The following ANKRD33B variants were observed in gnomAD, a reference collection of about 807,000 sequenced individuals.
ANKRD33B encodes ankyrin repeat domain 33B, also known as ankyrin repeat domain-containing protein 33B.
Under a neutral mutation model 21.5 loss-of-function variants are expected in ANKRD33B, and 6 were observed. That is an observed-to-expected ratio of 0.28 (90% confidence interval 0.15 to 0.55). The LOEUF is 0.55. Ranked by LOEUF, ANKRD33B falls within the 20% of genes least tolerant of loss-of-function variation. ANKRD33B has a pLI of 0.94. For missense variants in ANKRD33B, 698 were observed against 747.2 expected (o/e 0.93, Z 0.77); for synonymous variants, 347 against 342.4 (o/e 1.01, Z -0.15).
At chr5:10,629,403 G>A (rs1419772083) in intron 2 of ANKRD33B, among the ~76,000 whole-genome samples, 4 of 152,192 alleles carry the variant, frequency 2.6e-5, no homozygotes, top group Non-Finnish European at 5.9e-5. Flanking sequence ...GATTGCTTGG[G>A]TGAGGGAGGA....
chr5:10,634,646 G>T (rs1379606121), intron 2 of ANKRD33B, among the ~76,000 whole-genome samples: 5 of 151,428 alleles, frequency 3.3e-5, no homozygotes, highest in Non-Finnish European at 5.9e-5. Context: ...TTTTAGTAGA[G>T]ACAGGCACTA....
chr5:10,649,924 C>G lies in ANKRD33B; in HGVS notation c.1296C>G (p.Pro432=), dbSNP rs999743370. The change falls in exon 4 of 4, where the codon CCC becomes CCG. Residue 432 remains proline (P), a synonymous_variant. Transcript: ENST00000296657. ...CCCGGGTCCGAGTCAGCAAGGCGCC[C>G]GCGCCCACCTTCCAGCCCGAGCGGC... is the stretch of plus-strand genomic sequence containing the variant. The part of the protein sequence containing the change: ...VVPRVRVSKA[P]APTFQPERPA... 8 of 1,524,266 alleles carry G rather than the reference C, an allele frequency of 5.2e-6. No individual in the cohort carries two copies. Among genetic ancestry groups the G allele is most frequent in the Admixed American group, 4.0e-5 (2 of 50,166 alleles). The allele number at this position is 1,524,266 out of a possible 1,614,324, so 94.4% of individuals were successfully genotyped here. A position where few individuals can be genotyped will look rare whatever the true frequency, so the allele number is the denominator to read the frequency against.
intron 1 of ANKRD33B, among the ~76,000 whole-genome samples, chr5:10,597,494 A>G (rs945267689): frequency 5.9e-5 from 9 of 152,192 alleles, no homozygotes; most frequent in African/African-American, 1.9e-4. Flanking sequence ...AGAGCTAACT[A>G]TCCTAAATAT....
chr5:10,656,043 G>A lies in ANKRD33B; in HGVS notation c.*5930G>A, dbSNP rs1258982378. On this transcript the variant is annotated 3_prime_UTR_variant, in exon 4 of 4. Coordinates refer to ENST00000296657, the MANE Select transcript of ANKRD33B (RefSeq NM_001164440.2). ...GAGCTGCCGAGAGCTTACAACAAAA[G>A]CAGTTCCTCTCAAGACACTGCTTGC... The A allele has an allele frequency of 6.6e-6, 1 of 152,172 alleles. No individual in the cohort carries two copies. Among genetic ancestry groups the A allele is most frequent in the African/African-American group, 2.4e-5 (1 of 41,394 alleles). The allele number at this position is 152,172 out of a possible 1,614,324, so 9.4% of individuals were successfully genotyped here.
chr5:10,602,357 A>G (rs930040630), intron 1 of ANKRD33B, among the ~76,000 whole-genome samples: 4 of 152,238 alleles, frequency 2.6e-5, no homozygotes, highest in East Asian at 1.9e-4. Flanking sequence ...GGACTGCACT[A>G]TGAGTGGCCA....
chr5:10,652,667 G>A lies in ANKRD33B; in HGVS notation c.*2554G>A. The stretch of plus-strand genomic sequence containing the variant: ...ATGCTCAGAGTTGTCAGGGATGCGT[G>A]GAACAGCAATGATGGGACAGCAAAT... On this transcript the variant is annotated 3_prime_UTR_variant, in exon 4 of 4. Coordinates refer to ENST00000296657, the MANE Select transcript of ANKRD33B (RefSeq NM_001164440.2). The surrounding 1 kb of genome is among the most constrained non-coding windows in gnomAD (Gnocchi z 4.1). The A allele has an allele frequency of 6.2e-6, 1 of 162,446 alleles. No homozygotes were observed. The highest frequency in any genetic ancestry group is 1.4e-5 in the Non-Finnish European group (1 of 72,776). 10.1% of individuals were successfully genotyped at this position (162,446 alleles called of 1,614,324 possible). A position where few individuals can be genotyped will look rare whatever the true frequency, so the allele number is the denominator to read the frequency against.
At chr5:10,596,413 T>C (rs1735818399) in intron 1 of ANKRD33B, among the ~76,000 whole-genome samples, 1 of 152,240 alleles carries the variant, frequency 6.6e-6, no homozygotes, top group Non-Finnish European at 1.5e-5. Context: ...AGTGAGAACA[T>C]GCAGTGTTTG....
At chr5:10,571,892 CTTTTTT>C (rs11433872) in intron 1 of ANKRD33B, among the ~76,000 whole-genome samples, 1 of 144,250 alleles carries the variant, frequency 6.9e-6, no homozygotes, top group African/African-American at 2.6e-5. Flanking sequence ...TTTCTTTTTT[CTTTTTT>C]TTTTTTTGAG....
chr5:10,580,994 G>A (rs1004247987), intron 1 of ANKRD33B, among the ~76,000 whole-genome samples: 3 of 152,024 alleles, frequency 2.0e-5, no homozygotes, highest in Admixed American at 6.5e-5. Context: ...GCTGCCAGTC[G>A]GTGGGTCCCA....
At chr5:10,588,091 T>G (rs1418012984) in intron 1 of ANKRD33B, among the ~76,000 whole-genome samples, 1 of 152,230 alleles carries the variant, frequency 6.6e-6, no homozygotes, top group Non-Finnish European at 1.5e-5. Flanking sequence ...TTGAAACGGC[T>G]TTGCTGATCT....
intron 1 of ANKRD33B, among the ~76,000 whole-genome samples, chr5:10,578,902 C>T (rs1195823229): frequency 2.0e-5 from 3 of 152,184 alleles, no homozygotes; most frequent in African/African-American, 7.2e-5. Context: ...TGGCTCATGC[C>T]TATAATCCCC....
In ANKRD33B at chr5:10,581,786, A is replaced by G. The variant is rs543508314; in HGVS notation, c.366+16953A>G. ...ACTGAGGTTTCCTGGAGGAGAAGAA[A>G]TTCTGCCTCAAAGCTGCAGCCTCAA... On this transcript the variant is annotated intron_variant, in intron 1 of 3. Transcript: ENST00000296657. 7.4e-4 allele frequency among the ~76,000 whole-genome samples: 112 copies of G among 152,318 alleles called. 1 individual carries two copies. Among genetic ancestry groups the G allele is most frequent in the Middle Eastern group, 3.4e-3 (1 of 294 alleles).
chr5:10,622,822 C>G (rs1211608247), intron 2 of ANKRD33B, among the ~76,000 whole-genome samples: 1 of 113,334 alleles, frequency 8.8e-6, no homozygotes. Context: ...TTTTTTTTTT[C>G]TGGCTTGCTC....
chr5:10,603,895 A>C (rs1444275410), intron 1 of ANKRD33B, among the ~76,000 whole-genome samples: 2 of 149,910 alleles, frequency 1.3e-5, no homozygotes, highest in Non-Finnish European at 3.0e-5. Context: ...CAAAAGGAGA[A>C]CTTTTTTTTT....
At chr5:10,628,885 G>A (rs1399133089) in intron 2 of ANKRD33B, among the ~76,000 whole-genome samples, 1 of 152,152 alleles carries the variant, frequency 6.6e-6, no homozygotes, top group East Asian at 1.9e-4. Context: ...TGGCTCATCA[G>A]GTCACCAAGT....
At chr5:10,573,400 G>A (rs1579709495) in intron 1 of ANKRD33B, among the ~76,000 whole-genome samples, 2 of 151,462 alleles carry the variant, frequency 1.3e-5, no homozygotes, top group Admixed American at 6.6e-5. Flanking sequence ...CCTCGGAGGC[G>A]GGGGTTGCAG....
chr5:10,632,282 T>G (rs1736739743), intron 2 of ANKRD33B, among the ~76,000 whole-genome samples: 2 of 152,106 alleles, frequency 1.3e-5, no homozygotes. Context: ...GGAGAGGGGT[T>G]TGCGTGAGGT....
At chr5:10,612,661 G>A (rs900857579) in intron 1 of ANKRD33B, among the ~76,000 whole-genome samples, 2 of 152,216 alleles carry the variant, frequency 1.3e-5, no homozygotes, top group African/African-American at 2.4e-5. Flanking sequence ...CTCTTGCGCC[G>A]TTGCAGCTGC....
chr5:10,624,600 G>A (rs574914501), intron 2 of ANKRD33B: 5 of 379,578 alleles, frequency 1.3e-5, no homozygotes, highest in African/African-American at 6.3e-5. Context: ...GGTTGCATAC[G>A]GAGGCAGAGG....
Sources: gnomAD v4.1 joint callset for allele counts (sites outside exome capture counted in the v4.1 genomes callset) on GRCh38, gnomAD v4.1.1 for gene constraint, Gnocchi (gnomAD v3.1) non-coding constraint, MANE v1.5 for transcripts, NCBI Gene and HGNC (gene_info 2026-07-23, HGNC 2026-07-21) for gene names.